The following GGA2 variants were observed in gnomAD, a reference collection of about 807,000 sequenced individuals.
GGA2 encodes ADP-ribosylation factor-binding protein GGA2.
A neutral mutation model predicts 79.5 loss-of-function variants in GGA2; 48 were observed. The ratio of observed to expected loss-of-function variants is 0.60; its 90% CI spans 0.48 to 0.77. The LOEUF is 0.77. Among genes scored for constraint, GGA2 ranks in the 30% least tolerant of loss-of-function variants. GGA2 has a pLI of 0.00. For missense variants in GGA2, 770 were observed against 774.0 expected, an observed-to-expected ratio of 0.99 and a Z score of 0.06; for synonymous variants, 317 against 302.0, an observed-to-expected ratio of 1.05 and a Z score of -0.51.
intron 11 of GGA2, among the ~76,000 whole-genome samples, chr16:23,479,440 C>T (rs1021994340): frequency 1.3e-5 from 2 of 149,658 alleles, no homozygotes; most frequent in African/African-American, 5.0e-5. Context: ...TCACAACCAC[C>T]CTGATTCCCT....
chr16:23,481,543 C>T (rs1964648446), intron 9 of GGA2, among the ~76,000 whole-genome samples: 2 of 152,120 alleles, frequency 1.3e-5, no homozygotes, highest in South Asian at 4.1e-4. Flanking sequence ...GAAGCCAAGG[C>T]GGGCAAATCA....
At chr16:23,482,239 G>A (rs1394888820) in intron 9 of GGA2, among the ~76,000 whole-genome samples, 1 of 152,126 alleles carries the variant, frequency 6.6e-6, no homozygotes, top group Non-Finnish European at 1.5e-5. Flanking sequence ...ACTCTAACCT[G>A]GACGACAGAG....
chr16:23,473,394 T>C (rs1309641167), intron 14 of GGA2, among the ~76,000 whole-genome samples: 1 of 127,104 alleles, frequency 7.9e-6, no homozygotes, highest in Admixed American at 1.0e-4. Flanking sequence ...TGAAGCGCAG[T>C]GGCACGATCT....
chr16:23,491,530 TAA>T (rs34831881), intron 5 of GGA2, 145 bp downstream of exon 5: 13,921 of 297,680 alleles, frequency 0.047, no homozygotes, highest in Middle Eastern at 0.067. Flanking sequence ...ATTTATTGCG[TAA>T]AAAAAAAAAA....
At chr16:23,511,038 T>TGTGG (rs1965050561), upstream of GGA2, among the ~76,000 whole-genome samples, 1 of 150,850 alleles carries the variant, frequency 6.6e-6, no homozygotes, top group Admixed American at 6.6e-5. Context: ...TGTGTGTGTG[T>TGTGG]GTGTGTGTGT....
rs1428253139 is a variant in GGA2, at chr16:23,478,697, T to A, written c.1158+186A>T. ...AGACCTCCAGGAAGCAGGAGCCTGG[T>A]GCAACCTGTCTCCCCCAGGTATCAG... On this transcript the variant is annotated intron_variant, in intron 12 of 16. Coordinates refer to ENST00000309859, the MANE Select transcript of GGA2 (RefSeq NM_015044.4). The A allele has an allele frequency of 4.1e-6, 3 of 737,408 alleles. No homozygotes were observed. In the Admixed American group the frequency reaches 5.9e-5, roughly 15 times the overall value. The allele number at this position is 737,408 out of a possible 1,614,324, so 45.7% of individuals were successfully genotyped here.
chr16:23,470,421 G>A (rs1456816009), intron 14 of GGA2, among the ~76,000 whole-genome samples: 2 of 152,068 alleles, frequency 1.3e-5, no homozygotes, highest in Non-Finnish European at 2.9e-5. Context: ...TCACATTTTT[G>A]AGGAAGATAC....
rs1964491808 is a variant in GGA2 at position 23,470,139 on chromosome 16, C to A, written c.1477G>T (p.Asp493Tyr). ...PSSLPPLIVY[D>Y]RNGFRILLHF... ...AGCAGAATTCTGAATCCATTCCGGT[C>A]ATACACAATGAGAGGCGGCAGGCTG... Residue 493 changes from aspartate to tyrosine, a missense_variant, in exon 15 of 17, where the codon GAC (aspartate) becomes TAC (tyrosine). Physicochemically the swap from Asp to Tyr is radical, Grantham distance 160 (BLOSUM62 -3). Transcript: ENST00000309859. 1.2e-6 allele frequency: 2 copies of A among 1,605,858 alleles called. No individual in the cohort carries two copies. The highest frequency in any genetic ancestry group is 1.1e-5 in the South Asian group (1 of 88,814).
intron 1 of GGA2, among the ~76,000 whole-genome samples, chr16:23,503,704 G>A (rs1964944043): frequency 6.6e-6 from 1 of 152,134 alleles, no homozygotes; most frequent in Admixed American, 6.5e-5. Flanking sequence ...ACTGCATACT[G>A]AATAAAAGGA....
intron 3 of GGA2, 96 bp from the exon 4 acceptor site, chr16:23,493,554 C>A (rs1479446350): frequency 2.5e-6 from 2 of 789,358 alleles, no homozygotes; most frequent in Non-Finnish European, 4.5e-6. Flanking sequence ...TGCGCTGGAA[C>A]CAAGGCTAAC....
chr16:23,474,628 T>TC (rs1268540658), intron 14 of GGA2, among the ~76,000 whole-genome samples: 1 of 151,000 alleles, frequency 6.6e-6, no homozygotes, highest in South Asian at 2.1e-4. Context: ...ATTTTTTTCT[T>TC]CCCCCCCAAA....
intron 2 of GGA2, among the ~76,000 whole-genome samples, chr16:23,519,215 G>A (rs916866656): frequency 6.6e-6 from 1 of 151,942 alleles, no homozygotes; most frequent in African/African-American, 2.4e-5. Context: ...ACTAATCTTT[G>A]CATTTTTTGT....
chr16:23,481,796 TTGCAGAGGGCATGCACA>T (rs1262676381), intron 9 of GGA2, among the ~76,000 whole-genome samples: 1 of 152,094 alleles, frequency 6.6e-6, no homozygotes, highest in Non-Finnish European at 1.5e-5. Context: ...GGAAAAAGGA[TTGCAGAGGGCATGCACA>T]TGCTATCCAC....
At chr16:23,512,803 C>G (rs1273830054), upstream of GGA2, among the ~76,000 whole-genome samples, 1 of 131,562 alleles carries the variant, frequency 7.6e-6, no homozygotes, top group Non-Finnish European at 1.5e-5. Context: ...CTCCTGGGTT[C>G]AAGTGATTCC....
intron 9 of GGA2, among the ~76,000 whole-genome samples, chr16:23,481,687 C>A (rs770593101): frequency 6.6e-6 from 1 of 151,894 alleles, no homozygotes; most frequent in Non-Finnish European, 1.5e-5. Flanking sequence ...GCATGAGAAT[C>A]GCTTGAACAC....
At chr16:23,522,006 G>A, upstream of GGA2, 2 of 351,618 alleles carry the variant, frequency 5.7e-6, no homozygotes, top group South Asian at 4.4e-5. Flanking sequence ...AAAAAATACT[G>A]CTTCTCTCAT....
chr16:23,491,306 CAAA>C (rs35347154), intron 5 of GGA2, among the ~76,000 whole-genome samples: 4 of 66,502 alleles, frequency 6.0e-5, no homozygotes, highest in African/African-American at 6.4e-5. Flanking sequence ...CACCTTGTCT[CAAA>C]AAAAAAAAAA....
chr16:23,488,721 AT>A lies in GGA2; in HGVS notation c.476-13del. Reference sequence around the variant, plus strand: ...TTGTTTTATAATTCCTAAAAATGCAATTTACAAAGTTAAGACACCGATATGG... The same window carrying A: ...TTGTTTTATAATTCCTAAAAATGCAATTACAAAGTTAAGACACCGATATGG... On this transcript the variant is annotated splice_polypyrimidine_tract_variant and intron_variant, in intron 5 of 16. Coordinates refer to ENST00000309859, the MANE Select transcript of GGA2 (RefSeq NM_015044.4). 6.9e-7 allele frequency: 1 copy of A among 1,452,622 alleles called. No individual in the cohort carries two copies. Among genetic ancestry groups the A allele is most frequent in the Non-Finnish European group, 9.7e-7 (1 of 1,034,090 alleles). The allele number at this position is 1,452,622 out of a possible 1,614,324, so 90.0% of individuals were successfully genotyped here. A position where few individuals can be genotyped will look rare whatever the true frequency, so the allele number is the denominator to read the frequency against.
At chr16:23,508,364 T>G (rs1357941799) in intron 1 of GGA2, among the ~76,000 whole-genome samples, 1 of 152,148 alleles carries the variant, frequency 6.6e-6, no homozygotes, top group East Asian at 1.9e-4. Flanking sequence ...CCTTTTTTTC[T>G]AATTTTTGCA....
Sources: allele counts gnomAD v4.1 joint callset (sites outside exome capture counted in the v4.1 genomes callset), GRCh38; gene constraint gnomAD v4.1.1; transcripts MANE v1.5; gene names NCBI Gene and HGNC (gene_info 2026-07-23, HGNC 2026-07-21).